CLMP: variants seen among roughly 807,000 people sequenced by gnomAD.
CLMP encodes the protein CXADR like cell adhesion molecule, also known as CXADR-like membrane protein.
A neutral mutation model predicts 45.2 loss-of-function variants in CLMP; 27 were observed. That is an observed-to-expected ratio of 0.60 (90% CI 0.44 to 0.82). The LOEUF is 0.82. Among genes scored for constraint, CLMP ranks in the 40% least tolerant of loss-of-function variants. The pLI, the probability that CLMP is intolerant of heterozygous loss-of-function variation, is 0.00. For missense variants in CLMP, 403 were observed against 448.4 expected (o/e 0.90, Z 0.91); for synonymous variants, 167 against 171.4 (o/e 0.97, Z 0.20).
rs7115567 is a variant in CLMP, at chr11:123,166,861, C to T, written c.28+28052G>A. Among the ~76,000 whole-genome samples, 480 of 152,164 alleles carry T rather than the reference C, an allele frequency of 3.2e-3. 15 individuals carry two copies. The East Asian group carries it at 0.076, about 24-fold the overall frequency. ...TCACCCGGATTTGATCGTTACGTATCATATACATGCATCGAAACATCTCAT... is the reference window on the plus strand; with the variant it reads ...TCACCCGGATTTGATCGTTACGTATTATATACATGCATCGAAACATCTCAT... On this transcript the variant is annotated intron_variant, in intron 1 of 6. Coordinates refer to ENST00000448775, the MANE Select transcript of CLMP (RefSeq NM_024769.5).
chr11:123,181,507 CTTA>C (rs1861769582), intron 1 of CLMP, among the ~76,000 whole-genome samples: 1 of 152,202 alleles, frequency 6.6e-6, no homozygotes, highest in South Asian at 2.1e-4. Context: ...TTTTGTTTCA[CTTA>C]TTATCTCTAC....
intron 1 of CLMP, among the ~76,000 whole-genome samples, chr11:123,108,531 T>TCTACCTC (rs1276407618): frequency 9.2e-5 from 14 of 152,160 alleles, no homozygotes; most frequent in African/African-American, 3.1e-4. Flanking sequence ...ATATTGAGCT[T>TCTACCTC]CTACCTCCTT....
At chr11:123,191,744 C>G (rs546475219) in intron 1 of CLMP, among the ~76,000 whole-genome samples, 1 of 152,276 alleles carries the variant, frequency 6.6e-6, no homozygotes, top group Admixed American at 6.5e-5. Flanking sequence ...CTCTCTTGAC[C>G]TTAAAGATTT....
At chr11:123,076,854 A>G (rs1271376921) in intron 5 of CLMP, among the ~76,000 whole-genome samples, 2 of 152,184 alleles carry the variant, frequency 1.3e-5, no homozygotes, top group African/African-American at 2.4e-5. Context: ...AAGCAGGGAC[A>G]TTGGCTAGGA....
Position 123,110,515 on chromosome 11 carries a change from A to T in CLMP, c.29-12563T>A, listed in dbSNP as rs555411004. Among the ~76,000 whole-genome samples, 7 of 151,682 alleles carry T rather than the reference A, an allele frequency of 4.6e-5. No individual in the cohort carries two copies. The South Asian group carries it at 1.0e-3, about 23-fold the overall frequency. ...CTGCTTGTAATCCCAGCTACTAGGGAGGCTTAGACAGGAGAATTGCTGGAA... is the reference window on the plus strand; with the variant it reads ...CTGCTTGTAATCCCAGCTACTAGGGTGGCTTAGACAGGAGAATTGCTGGAA... On this transcript the variant is annotated intron_variant, in intron 1 of 6. Coordinates refer to ENST00000448775, the MANE Select transcript of CLMP (RefSeq NM_024769.5).
chr11:123,186,080 AG>A (rs1861831643), intron 1 of CLMP, among the ~76,000 whole-genome samples: 3 of 152,170 alleles, frequency 2.0e-5, no homozygotes, highest in African/African-American at 7.2e-5. Context: ...TCAGTGCTGA[AG>A]AGGGCAAACT....
At chr11:123,118,929 T>TTTTCTTTCTTTCTTTC (rs1314714578) in intron 1 of CLMP, among the ~76,000 whole-genome samples, 1 of 99,338 alleles carries the variant, frequency 1.0e-5, no homozygotes, top group East Asian at 3.0e-4. Flanking sequence ...TTTTCTTTTC[T>TTTTCTTTCTTTCTTTC]TTTCTTTCTT....
intron 6 of CLMP, among the ~76,000 whole-genome samples, chr11:123,074,496 A>C (rs906654860): frequency 6.6e-6 from 1 of 152,034 alleles, no homozygotes; most frequent in African/African-American, 2.4e-5. Context: ...TTAACTTTTA[A>C]GTGTTTGTTG....
chr11:123,075,534 C>T (rs1337534846), intron 5 of CLMP, among the ~76,000 whole-genome samples: 1 of 150,936 alleles, frequency 6.6e-6, no homozygotes, highest in African/African-American at 2.4e-5. Flanking sequence ...CTACAGACGC[C>T]CGCCACCACG....
At chr11:123,118,109 G>A (rs116833302) in intron 1 of CLMP, among the ~76,000 whole-genome samples, 3,414 of 152,202 alleles carry the variant, frequency 0.022, 135 homozygotes, top group African/African-American at 0.077. Flanking sequence ...CCAGTGTATA[G>A]GTTCGCAAAG....
At chr11:123,125,457 T>G (rs1445846662) in intron 1 of CLMP, among the ~76,000 whole-genome samples, 1 of 72,988 alleles carries the variant, frequency 1.4e-5, no homozygotes, top group Non-Finnish European at 2.6e-5. Flanking sequence ...CTCCCTTCCC[T>G]CCCTCCCTCC....
At chr11:123,091,815 G>GTA (rs1865935000) in intron 2 of CLMP, among the ~76,000 whole-genome samples, 2 of 152,150 alleles carry the variant, frequency 1.3e-5, no homozygotes, top group Admixed American at 6.5e-5. Flanking sequence ...ACACGTTTGT[G>GTA]TAGCAAAGCT....
At chr11:123,095,914 C>G (rs902328514) in intron 2 of CLMP, among the ~76,000 whole-genome samples, 6 of 152,122 alleles carry the variant, frequency 3.9e-5, no homozygotes, top group Non-Finnish European at 8.8e-5. Context: ...TCAGAAAGAC[C>G]GCAAGAACCT....
At chr11:123,150,478 AGAAAGGAAGG>A (rs1861307068) in intron 1 of CLMP, among the ~76,000 whole-genome samples, 31 of 103,666 alleles carry the variant, frequency 3.0e-4, no homozygotes, top group Non-Finnish European at 5.7e-4. Context: ...AAAGAAAGAA[AGAAAGGAAGG>A]AAGGAAGGAA....
intron 1 of CLMP, among the ~76,000 whole-genome samples, chr11:123,122,243 TGG>T (rs1466244960): frequency 6.6e-6 from 1 of 152,204 alleles, no homozygotes; most frequent in African/African-American, 2.4e-5. Flanking sequence ...CTTGAACTCT[TGG>T]GTTCAAGAGA....
At chr11:123,188,428 CTCTTCCTCCTCCTCTTCCTCCTCT>C (rs1250223613) in intron 1 of CLMP, among the ~76,000 whole-genome samples, 69 of 149,154 alleles carry the variant, frequency 4.6e-4, no homozygotes, top group African/African-American at 1.7e-3. Flanking sequence ...CTTCCTCCTC[CTCTTCCTCCTCCTCTTCCTCCTCT>C]TCTTCCTCCT....
intron 1 of CLMP, among the ~76,000 whole-genome samples, chr11:123,130,439 C>T (rs1275383475): frequency 2.0e-5 from 3 of 152,186 alleles, no homozygotes; most frequent in South Asian, 2.1e-4. Flanking sequence ...GATTATTTAT[C>T]GTCCACCCAG....
At chr11:123,106,849 T>C (rs1164041094) in intron 1 of CLMP, among the ~76,000 whole-genome samples, 2 of 151,464 alleles carry the variant, frequency 1.3e-5, no homozygotes, top group Admixed American at 1.3e-4. Flanking sequence ...TGAAACCCCG[T>C]CTCTACTAAA....
intron 1 of CLMP, among the ~76,000 whole-genome samples, chr11:123,181,427 G>A (rs1210430529): frequency 6.6e-6 from 1 of 152,186 alleles, no homozygotes. Context: ...TCGCCTCATG[G>A]TAGATATTCT....
Sources: gnomAD v4.1 joint callset for allele counts (sites outside exome capture counted in the v4.1 genomes callset) on GRCh38, gnomAD v4.1.1 for gene constraint, MANE v1.5 for transcripts, NCBI Gene and HGNC (gene_info 2026-07-23, HGNC 2026-07-21) for gene names.